Variants in FAR2 observed in about 807,000 individuals in gnomAD.
The protein encoded by FAR2 is epididymis secretory protein Li 81.
Under a neutral mutation model 56.0 loss-of-function variants are expected in FAR2, and 19 were observed. The ratio of observed to expected loss-of-function variants is 0.34; its 90% CI spans 0.24 to 0.50. FAR2 has a LOEUF of 0.50. FAR2 is among the 20% of genes least tolerant of loss of function. The pLI, the probability that FAR2 is intolerant of heterozygous loss-of-function variation, is 0.98. For missense variants in FAR2, 508 were observed against 642.2 expected, an observed-to-expected ratio of 0.79 and a Z score of 2.26; for synonymous variants, 219 against 218.8, an observed-to-expected ratio of 1.00 and a Z score of -0.01.
intron 4 of FAR2, 30 bp downstream of exon 4, chr12:29,297,230 G>T: frequency 6.3e-7 from 1 of 1,582,390 alleles, no homozygotes; most frequent in Non-Finnish European, 8.6e-7. Flanking sequence ...GGATCAAGGG[G>T]CGGGTAGAAT....
chr12:29,307,107 G>T (rs752032419), intron 4 of FAR2, among the ~76,000 whole-genome samples: 1 of 152,124 alleles, frequency 6.6e-6, no homozygotes, highest in Non-Finnish European at 1.5e-5. Context: ...CACCTTGGAT[G>T]ACAGCCTCTA....
intron 1 of FAR2, among the ~76,000 whole-genome samples, chr12:29,234,935 G>A (rs374248285): frequency 3.9e-5 from 6 of 152,090 alleles, no homozygotes; most frequent in Non-Finnish European, 5.9e-5. Flanking sequence ...TATTCATCAC[G>A]CATATATCAC....
intron 1 of FAR2, among the ~76,000 whole-genome samples, chr12:29,167,908 C>G (rs903129070): frequency 5.9e-5 from 9 of 152,138 alleles, no homozygotes; most frequent in African/African-American, 2.2e-4. Context: ...GAAACAAGAA[C>G]TTTAAGGATA....
intron 2 of FAR2, chr12:29,291,471 G>A (rs1395978700): frequency 2.2e-6 from 1 of 455,972 alleles, no homozygotes. Flanking sequence ...GAAATGAGTT[G>A]TATGCAGTTA....
intron 1 of FAR2, among the ~76,000 whole-genome samples, chr12:29,196,647 A>C (rs1950146901): frequency 1.3e-5 from 2 of 152,216 alleles, no homozygotes; most frequent in Admixed American, 1.3e-4. Context: ...GTAAGACATG[A>C]AACTACAAAA....
intron 1 of FAR2, among the ~76,000 whole-genome samples, chr12:29,213,953 A>G (rs1947589038): frequency 1.3e-5 from 2 of 152,318 alleles, no homozygotes; most frequent in Middle Eastern, 6.8e-3. Flanking sequence ...AACACCAGAG[A>G]GCTTTGGATT....
chr12:29,179,997 A>T (rs950015782), intron 1 of FAR2, among the ~76,000 whole-genome samples: 1 of 152,214 alleles, frequency 6.6e-6, no homozygotes, highest in South Asian at 2.1e-4. Context: ...TTGGGTGTTT[A>T]TCTCATATTT....
At position 29,311,967 on chromosome 12, in the gene FAR2, T is replaced by C. The variant is rs912270795; in HGVS notation, c.955+17T>C. On this transcript the variant is annotated intron_variant, in intron 8 of 11. Transcript: ENST00000536681. ...ACAAAATGGGTAAGTACTTTAGCTA[T>C]GTAACTCTATAATTACTAGTGTCTG... is the stretch of plus-strand genomic sequence containing the variant. The C allele has an allele frequency of 6.3e-7, 1 of 1,580,466 alleles. No individual in the cohort carries two copies. Among genetic ancestry groups the C allele is most frequent in the Non-Finnish European group, 8.7e-7 (1 of 1,152,782 alleles).
At chr12:29,172,797 G>A (rs747261202) in intron 1 of FAR2, among the ~76,000 whole-genome samples, 1 of 152,162 alleles carries the variant, frequency 6.6e-6, no homozygotes, top group Non-Finnish European at 1.5e-5. Context: ...CTGAGTTACG[G>A]TGGACATCAT....
chr12:29,234,815 C>T (rs1416928669), intron 1 of FAR2, among the ~76,000 whole-genome samples: 1 of 152,174 alleles, frequency 6.6e-6, no homozygotes, highest in Non-Finnish European at 1.5e-5. Flanking sequence ...CTCAGAAAAC[C>T]ATTTCATGAT....
Position 29,316,884 on chromosome 12 carries a change from AC to A in FAR2, c.1001del (p.Pro334LeufsTer44). 1 of 1,614,020 alleles carries A rather than the reference AC, an allele frequency of 6.2e-7. No homozygotes were observed. Among genetic ancestry groups the A allele is most frequent in the Non-Finnish European group, 8.5e-7 (1 of 1,179,980 alleles). Reference protein sequence around the residue: ...ATFEKIPFERPFRRPNANFTS... With the variant: ...ATFEKIPFERXFRRPNANFTS... The stretch of plus-strand genomic sequence containing the variant: ...CCTTTGAAAAAATCCCATTTGAGAG[AC>A]CTTTCAGGAGGCCAAATGCTAATTT... On this transcript the variant is annotated frameshift_variant, in exon 9 of 12. Transcript: ENST00000536681. LOFTEE classifies it high-confidence loss of function.
intron 1 of FAR2, among the ~76,000 whole-genome samples, chr12:29,152,150 T>C (rs576195197): frequency 3.5e-4 from 54 of 152,242 alleles, no homozygotes; most frequent in Non-Finnish European, 7.3e-4. Flanking sequence ...AAGGTAGTTA[T>C]TGAATTAAAT....
At position 29,300,280 on chromosome 12, in the gene FAR2, A is replaced by G. The variant is rs571342602; in HGVS notation, c.545+3080A>G. Among the ~76,000 whole-genome samples, 7 of 152,298 alleles carry G rather than the reference A, an allele frequency of 4.6e-5. No individual in the cohort carries two copies. In the East Asian group the frequency reaches 1.4e-3, roughly 29 times the overall value. On this transcript the variant is annotated intron_variant, in intron 4 of 11. Coordinates refer to ENST00000536681, the MANE Select transcript of FAR2 (RefSeq NM_001271783.2). ...TCTGGTTGTTCATTTTTTTCTTCTT[A>G]AACTTTGAATGAAACCTGTATGTTA...
chr12:29,149,646 G>T (rs1949665101), intron 1 of FAR2, among the ~76,000 whole-genome samples: 1 of 152,264 alleles, frequency 6.6e-6, no homozygotes, highest in Non-Finnish European at 1.5e-5. Flanking sequence ...GTTTACGCGC[G>T]GTTGGCGTCG....
chr12:29,215,718 T>TA (rs1947613795), intron 1 of FAR2, among the ~76,000 whole-genome samples: 1 of 152,228 alleles, frequency 6.6e-6, no homozygotes, highest in South Asian at 2.1e-4. Context: ...TTGGTTCCAC[T>TA]GTCACCAAGG....
chr12:29,226,790 A>C (rs1427133035), intron 1 of FAR2, among the ~76,000 whole-genome samples: 1 of 152,148 alleles, frequency 6.6e-6, no homozygotes, highest in African/African-American at 2.4e-5. Context: ...ATGATATTAC[A>C]TGAAAAGAAT....
At chr12:29,291,781 T>C (rs1475164063) in intron 2 of FAR2, among the ~76,000 whole-genome samples, 1 of 152,214 alleles carries the variant, frequency 6.6e-6, no homozygotes, top group Non-Finnish European at 1.5e-5. Context: ...TTAAAGAGTA[T>C]TATTTTAGAA....
At chr12:29,182,000 T>C (rs1376944701) in intron 1 of FAR2, among the ~76,000 whole-genome samples, 1 of 152,176 alleles carries the variant, frequency 6.6e-6, no homozygotes, top group Non-Finnish European at 1.5e-5. Flanking sequence ...CATGTAATCT[T>C]AGGAAAATGT....
In FAR2 at chr12:29,315,142, T is replaced by C. The variant is rs147966048; in HGVS notation, c.956-1699T>C. On this transcript the variant is annotated intron_variant, in intron 8 of 11. Transcript: ENST00000536681. The stretch of plus-strand genomic sequence containing the variant: ...TGTGGGAAGGCTGCTATTTTATATG[T>C]GATGGCCAAGGAAAGTCTCCCTGAT... Among the ~76,000 whole-genome samples, 524 of 152,278 alleles carry C rather than the reference T, an allele frequency of 3.4e-3. 5 individuals carry two copies. Among genetic ancestry groups the C allele is most frequent in the African/African-American group, 0.012 (493 of 41,556 alleles).
Sources: gnomAD v4.1 joint callset for allele counts (sites outside exome capture counted in the v4.1 genomes callset) on GRCh38, gnomAD v4.1.1 for gene constraint, MANE v1.5 for transcripts, NCBI Gene and HGNC (gene_info 2026-07-23, HGNC 2026-07-21) for gene names.